HDAC8: variants seen among roughly 807,000 people sequenced by gnomAD.
HDAC8 encodes histone deacetylase 8.
HDAC8 carries 1 observed loss-of-function variant against 32.2 expected under a neutral mutation model. The observed-to-expected ratio is 0.03, with a 90% CI of 0.01 to 0.15. The LOEUF is 0.15. Among genes scored for constraint, HDAC8 ranks in the 10% least tolerant of loss-of-function variants. HDAC8 has a pLI of 1.00. For missense variants in HDAC8, 117 were observed against 300.0 expected (o/e 0.39, Z 4.51); for synonymous variants, 108 against 113.9 (o/e 0.95, Z 0.33).
chrX:72,454,347 A>C (rs1239844715), intron 9 of HDAC8, among the ~76,000 whole-genome samples: 2 of 111,360 alleles, frequency 1.8e-5, no homozygotes, highest in Non-Finnish European at 3.8e-5. Flanking sequence ...GGTGTTGTCC[A>C]GAGCTAAAAG....
intron 7 of HDAC8, among the ~76,000 whole-genome samples, chrX:72,466,125 T>C (rs1278608285): frequency 8.9e-6 from 1 of 111,824 alleles, no homozygotes; most frequent in Admixed American, 9.5e-5. Context: ...AGCACCCTAT[T>C]AGCTGCTGCT....
intron 7 of HDAC8, among the ~76,000 whole-genome samples, chrX:72,477,780 G>C (rs2148083823): frequency 8.9e-6 from 1 of 112,495 alleles, no homozygotes; most frequent in Non-Finnish European, 1.9e-5. Flanking sequence ...TATTTTTCTA[G>C]GGCAGGATGT....
At chrX:72,423,938 T>C (rs1285631799) in intron 9 of HDAC8, among the ~76,000 whole-genome samples, 1 of 112,091 alleles carries the variant, frequency 8.9e-6, no homozygotes, top group Non-Finnish European at 1.9e-5. Flanking sequence ...CATTGGAGCA[T>C]CTGTTTCCTG....
intron 7 of HDAC8, among the ~76,000 whole-genome samples, chrX:72,477,881 C>G (rs1451523303): frequency 1.8e-5 from 2 of 111,989 alleles, no homozygotes; most frequent in African/African-American, 6.5e-5. Flanking sequence ...TCAATGAAAT[C>G]CAGATGGGGA....
At chrX:72,356,224 T>G (rs1434553131) in intron 9 of HDAC8, among the ~76,000 whole-genome samples, 1 of 111,649 alleles carries the variant, frequency 9.0e-6, no homozygotes, top group Non-Finnish European at 1.9e-5. Context: ...TATGGTAGCC[T>G]ATACACTACC....
chrX:72,516,422 T>C lies in HDAC8; in HGVS notation c.438-21154A>G, dbSNP rs370533678. 5.4e-5 allele frequency among the ~76,000 whole-genome samples: 6 copies of C among 110,911 alleles called. No individual in the cohort carries two copies. In the South Asian group the frequency reaches 1.9e-3, roughly 36 times the overall value. On this transcript the variant is annotated intron_variant, in intron 4 of 10. Coordinates refer to ENST00000373573, the MANE Select transcript of HDAC8 (RefSeq NM_018486.3). ...TTCTTGTTTTTTTTTTTCACTAAGT[T>C]AATTGCATCTAATTGTTTACAGCAA...
chrX:72,463,807 T>C (rs146002780), intron 8 of HDAC8, among the ~76,000 whole-genome samples: 9,248 of 111,341 alleles, frequency 0.083, 413 homozygotes, highest in Non-Finnish European at 0.12. Flanking sequence ...CTATAATATA[T>C]GCATTTTAAG....
At chrX:72,428,335 G>A (rs1314636469) in intron 9 of HDAC8, among the ~76,000 whole-genome samples, 3 of 112,177 alleles carry the variant, frequency 2.7e-5, no homozygotes, top group Middle Eastern at 4.7e-3. Flanking sequence ...CTCGTGATCC[G>A]CCTGCCTCGG....
intron 7 of HDAC8, among the ~76,000 whole-genome samples, chrX:72,465,641 A>T (rs1406538888): frequency 8.9e-6 from 1 of 111,899 alleles, no homozygotes; most frequent in African/African-American, 3.2e-5. Flanking sequence ...TCTTACAGAG[A>T]CGTATAAACA....
chrX:72,439,422 C>G (rs1165801959), intron 9 of HDAC8, among the ~76,000 whole-genome samples: 2 of 110,630 alleles, frequency 1.8e-5, no homozygotes, highest in Non-Finnish European at 3.8e-5. Context: ...TCACAATAAC[C>G]AGCTAGCATC....
intron 9 of HDAC8, among the ~76,000 whole-genome samples, chrX:72,390,716 A>C (rs2045591584): frequency 8.9e-6 from 1 of 111,761 alleles, no homozygotes; most frequent in Admixed American, 9.5e-5. Flanking sequence ...TATATCTTTA[A>C]TATGTTTTAG....
rs996785289 is a variant in HDAC8, at chrX:72,509,981, C to T, written c.438-14713G>A. Reference sequence around the variant, plus strand: ...AGTTTTTGGTTACTAAGATGACCAACCACAGTTCCTTTTAGTAGCAATTTT... The same window carrying T: ...AGTTTTTGGTTACTAAGATGACCAATCACAGTTCCTTTTAGTAGCAATTTT... On this transcript the variant is annotated intron_variant, in intron 4 of 10. Coordinates refer to ENST00000373573, the MANE Select transcript of HDAC8 (RefSeq NM_018486.3). Among the ~76,000 whole-genome samples the T allele has an allele frequency of 4.5e-5, 5 of 111,710 alleles. No individual in the cohort carries two copies. The East Asian group carries it at 1.4e-3, about 31-fold the overall frequency.
At chrX:72,522,914 T>C (rs2147374277) in intron 4 of HDAC8, among the ~76,000 whole-genome samples, 1 of 112,297 alleles carries the variant, frequency 8.9e-6, no homozygotes, top group South Asian at 3.7e-4. Context: ...TTACAATTTG[T>C]CATGGACACT....
chrX:72,334,336 G>T (rs1287941209), intron 10 of HDAC8, among the ~76,000 whole-genome samples: 1 of 112,026 alleles, frequency 8.9e-6, no homozygotes, highest in Non-Finnish European at 1.9e-5. Flanking sequence ...TTCTTACTTT[G>T]AATCATGACA....
At chrX:72,402,102 AG>A (rs1213399082) in intron 9 of HDAC8, among the ~76,000 whole-genome samples, 1 of 111,259 alleles carries the variant, frequency 9.0e-6, no homozygotes, top group East Asian at 2.8e-4. Flanking sequence ...GTGTGTTTCT[AG>A]GTATTTGTCC....
intron 2 of HDAC8, among the ~76,000 whole-genome samples, chrX:72,569,681 A>C (rs1205554537): frequency 9.0e-6 from 1 of 111,728 alleles, no homozygotes; most frequent in Non-Finnish European, 1.9e-5. Context: ...GAGTGAGGGA[A>C]TAAAGGGAGC....
intron 10 of HDAC8, among the ~76,000 whole-genome samples, chrX:72,344,774 AT>A (rs57985203): frequency 0.016 from 1,742 of 111,058 alleles, 32 homozygotes; most frequent in African/African-American, 0.054. Flanking sequence ...AGTGCTGGTG[AT>A]GATACTCTCT....
intron 2 of HDAC8, chrX:72,571,806 C>T: frequency 4.0e-6 from 1 of 253,015 alleles, no homozygotes; most frequent in Non-Finnish European, 6.8e-6. Context: ...TGACCTCAGG[C>T]GATCCACCCA....
intron 9 of HDAC8, among the ~76,000 whole-genome samples, chrX:72,416,844 T>A (rs890632362): frequency 4.5e-5 from 5 of 110,683 alleles, no homozygotes; most frequent in Admixed American, 3.9e-4. Context: ...TTGGCAATTA[T>A]CCTGTTATCT....
Sources: gnomAD v4.1 joint callset for allele counts (sites outside exome capture counted in the v4.1 genomes callset) on GRCh38, gnomAD v4.1.1 for gene constraint, MANE v1.5 for transcripts, NCBI Gene and HGNC (gene_info 2026-07-23, HGNC 2026-07-21) for gene names.